The following ETV4 variants were observed in gnomAD, a reference collection of about 807,000 sequenced individuals.
ETV4 encodes the protein ETS translocation variant 4.
A neutral mutation model predicts 65.9 loss-of-function variants in ETV4; 42 were observed. The observed-to-expected ratio is 0.64, with a 90% CI of 0.50 to 0.82. The LOEUF (loss-of-function observed/expected upper bound fraction) is 0.82. Ranked by LOEUF, ETV4 falls within the 40% of genes least tolerant of loss-of-function variation. ETV4 has a pLI of 0.00. For synonymous variants in ETV4, 238 were observed against 260.0 expected (o/e 0.92, Z 0.81); for missense variants, 583 against 630.3 (o/e 0.92, Z 0.80).
chr17:43,533,134 G>A (rs1971038311), intron 7 of ETV4, 53 bp downstream of exon 7: 3 of 1,595,726 alleles, frequency 1.9e-6, no homozygotes, highest in Non-Finnish European at 2.6e-6. Flanking sequence ...AGAACACTCA[G>A]GAATTGAAAA....
chr17:43,529,397 G>C, intron 11 of ETV4, 107 bp downstream of exon 11: 1 of 1,448,602 alleles, frequency 6.9e-7, no homozygotes, highest in South Asian at 1.3e-5. Flanking sequence ...ATTCAGGTTA[G>C]GTAAAGCAAG....
At chr17:43,537,189 AAC>A in intron 4 of ETV4, among the ~76,000 whole-genome samples, 1 of 152,126 alleles carries the variant, frequency 6.6e-6, no homozygotes, top group East Asian at 1.9e-4. Context: ...AACATGACGA[AAC>A]CCCATCTTTA....
At chr17:43,530,997 C>T (rs1172828771) in intron 8 of ETV4, among the ~76,000 whole-genome samples, 1 of 152,124 alleles carries the variant, frequency 6.6e-6, no homozygotes, top group African/African-American at 2.4e-5. Context: ...AACACAATCC[C>T]CTCCGGTCTA....
intron 4 of ETV4, among the ~76,000 whole-genome samples, chr17:43,538,231 C>T (rs574452923): frequency 6.6e-4 from 100 of 151,886 alleles, no homozygotes; most frequent in African/African-American, 2.3e-3. Context: ...AACTTGAACC[C>T]GGGAGGTGGA....
Position 43,536,423 on chromosome 17 carries a change from C to T in ETV4, c.256+3G>A, listed in dbSNP as rs1971246372. On this transcript the variant is annotated splice_donor_region_variant and intron_variant, in intron 5 of 12. Coordinates refer to ENST00000319349, the MANE Select transcript of ETV4 (RefSeq NM_001079675.5). ...TACCCTCTCCCCAGGGACCTCTACT[C>T]ACGGTTTTCTGAATGGAAATCAGGA... is the stretch of plus-strand genomic sequence containing the variant. 1.9e-6 allele frequency: 3 copies of T among 1,614,028 alleles called. No homozygotes were observed. The highest frequency in any genetic ancestry group is 2.5e-6 in the Non-Finnish European group (3 of 1,179,950).
Position 43,538,658 on chromosome 17 carries a change from G to C in ETV4, c.203-2179C>G, listed in dbSNP as rs570057250. 6.6e-5 allele frequency among the ~76,000 whole-genome samples: 10 copies of C among 152,296 alleles called. 1 individual carries two copies. The South Asian group carries it at 2.1e-3, about 32-fold the overall frequency. On this transcript the variant is annotated intron_variant, in intron 4 of 12. Coordinates refer to ENST00000319349, the MANE Select transcript of ETV4 (RefSeq NM_001079675.5). ...CAGCTAAGAATCTCCCTTGATCCCA[G>C]AGTCTTGGCCCACTTTTGCCCCTCT...
Position 43,533,301 on chromosome 17 carries a change from C to T in ETV4, c.431G>A (p.Gly144Asp), listed in dbSNP as rs780292322. The T allele has an allele frequency of 6.2e-7, 1 of 1,613,738 alleles. No homozygotes were observed. Among genetic ancestry groups the T allele is most frequent in the Non-Finnish European group, 8.5e-7 (1 of 1,179,854 alleles). ...CTGTAGGGGCGACTGTCCAAGGGCACCAGGGGCAGGGGACTTGATGGCGAT... is the reference window on the plus strand; with the variant it reads ...CTGTAGGGGCGACTGTCCAAGGGCATCAGGGGCAGGGGACTTGATGGCGAT... ...RQIAIKSPAP[G>D]ALGQSPLQPF... is the part of the protein sequence containing the mutation. Residue 144 changes from glycine (G) to aspartate (D), a missense_variant, in exon 7 of 13, where the codon GGT becomes GAT. Gly to Asp is a moderately conservative substitution (Grantham distance 94, BLOSUM62 -1). Transcript: ENST00000319349.
chr17:43,530,284 C>A, intron 8 of ETV4, 103 bp from the exon 9 acceptor site: 1 of 1,522,348 alleles, frequency 6.6e-7, no homozygotes, highest in Non-Finnish European at 8.8e-7. Context: ...TCCTTCCAGC[C>A]TGCTTCCTGG....
intron 5 of ETV4, among the ~76,000 whole-genome samples, chr17:43,535,171 G>A (rs544933515): frequency 2.6e-5 from 4 of 152,326 alleles, no homozygotes; most frequent in South Asian, 2.1e-4. Context: ...GTCAAATGCC[G>A]TTTGTAACCA....
Position 43,532,673 on chromosome 17 carries a change from C to G in ETV4, c.811+1G>C. 6.2e-7 allele frequency: 1 copy of G among 1,610,532 alleles called. No individual in the cohort carries two copies. Among genetic ancestry groups the G allele is most frequent in the East Asian group, 2.2e-5 (1 of 44,790 alleles). On this transcript the variant is annotated splice_donor_variant, in intron 8 of 12. Transcript: ENST00000319349. LOFTEE classifies it high-confidence loss of function. ...CACCCTGCCCCACCCCAGTCTCTTA[C>G]CTGAGTCGTAGGCGAAGTCCGTCTG...
intron 3 of ETV4, 66 bp downstream of exon 3, chr17:43,545,208 T>TGTGC: frequency 1.1e-6 from 1 of 942,096 alleles, no homozygotes; most frequent in Non-Finnish European, 1.6e-6. Context: ...TGTGTGTGTG[T>TGTGC]GTGTGTGTGT....
At chr17:43,530,271 TCTTC>T (rs1159647021) in intron 8 of ETV4, 90 bp from the exon 9 acceptor site, 87 of 1,533,514 alleles carry the variant, frequency 5.7e-5, no homozygotes, top group Non-Finnish European at 7.0e-5. Flanking sequence ...TTCAAGAATT[TCTTC>T]CTTCCAGCCT....
intron 12 of ETV4, 109 bp from the exon 13 acceptor site, chr17:43,528,852 C>CG: frequency 1.2e-6 from 1 of 834,556 alleles, no homozygotes; most frequent in Non-Finnish European, 1.9e-6. Context: ...GGCAGATGCT[C>CG]GGGGCATTTC....
chr17:43,536,671 T>C (rs559649278), intron 4 of ETV4, among the ~76,000 whole-genome samples, 192 bp from the exon 5 acceptor site: 1 of 152,374 alleles, frequency 6.6e-6, no homozygotes, highest in African/African-American at 2.4e-5. Context: ...TAACGATAGC[T>C]GATGAACTTA....
chr17:43,539,710 T>C (rs1971423438), intron 4 of ETV4, among the ~76,000 whole-genome samples: 1 of 152,178 alleles, frequency 6.6e-6, no homozygotes, highest in Non-Finnish European at 1.5e-5. Context: ...CTGACCATCC[T>C]AGCCCTTCCC....
At position 43,528,289 on chromosome 17, in the gene ETV4, G is replaced by C. The variant is rs1157900489; in HGVS notation, c.*230C>G. On this transcript the variant is annotated 3_prime_UTR_variant, in exon 13 of 13. Transcript: ENST00000319349. The stretch of plus-strand genomic sequence containing the variant: ...TGAGCTGAATTCCTCCAGGGCCCAG[G>C]TGAAACCCCCAGGGGAGTTTCTGAG... 1.3e-5 allele frequency: 6 copies of C among 457,788 alleles called. No individual in the cohort carries two copies. The highest frequency in any genetic ancestry group is 2.3e-5 in the Non-Finnish European group (6 of 258,678). The allele number at this position is 457,788 out of a possible 1,614,324, so 28.4% of individuals were successfully genotyped here. A position where few individuals can be genotyped will look rare whatever the true frequency, so the allele number is the denominator to read the frequency against.
chr17:43,533,007 T>C, intron 7 of ETV4, 68 bp from the exon 8 acceptor site: 1 of 1,521,778 alleles, frequency 6.6e-7, no homozygotes, highest in East Asian at 2.3e-5. Flanking sequence ...AGCCTGTTAC[T>C]CCTAGGCTTT....
At position 43,533,252 on chromosome 17, in the gene ETV4, C is replaced by G; in HGVS notation, c.480G>C (p.Arg160=). Reference sequence around the variant, plus strand: ...AGGTGCCAGAGGATCTCAGGAAATTCCGTTGCTCTGCCCGGGGAAAGGGCT... The same window carrying G: ...AGGTGCCAGAGGATCTCAGGAAATTGCGTTGCTCTGCCCGGGGAAAGGGCT... ...PLQPFPRAEQ[R]NFLRSSGTSQ... Residue 160 remains arginine (R), a synonymous_variant, in exon 7 of 13, where the codon CGG becomes CGC. Transcript: ENST00000319349. The G allele has an allele frequency of 1.9e-6, 3 of 1,613,946 alleles. No homozygotes were observed. The highest frequency in any genetic ancestry group is 2.5e-6 in the Non-Finnish European group (3 of 1,179,962).
intron 4 of ETV4, among the ~76,000 whole-genome samples, chr17:43,539,592 G>A (rs552561962): frequency 5.3e-5 from 8 of 152,312 alleles, no homozygotes; most frequent in South Asian, 2.1e-4. Context: ...TAGAGTAGAC[G>A]CTCAGTGCTG....
Sources: gnomAD v4.1 joint callset for allele counts (sites outside exome capture counted in the v4.1 genomes callset) on GRCh38, gnomAD v4.1.1 for gene constraint, MANE v1.5 for transcripts, NCBI Gene and HGNC (gene_info 2026-07-23, HGNC 2026-07-21) for gene names.